UGP2: variants seen among roughly 807,000 people sequenced by gnomAD.
The protein encoded by UGP2 is UDP-glucose pyrophosphorylase 2.
A neutral mutation model predicts 49.0 loss-of-function variants in UGP2; 40 were observed. The ratio of observed to expected loss-of-function variants is 0.82; its 90% CI spans 0.63 to 1.06. The LOEUF (loss-of-function observed/expected upper bound fraction) is 1.06. Ranked by LOEUF, UGP2 falls within the 50% of genes least tolerant of loss-of-function variation. The probability of loss-of-function intolerance (pLI) is 0.00; values close to 1 mark genes in which losing one functional copy is unlikely to be tolerated. For missense variants in UGP2, 460 were observed against 603.5 expected (o/e 0.76, Z 2.49); for synonymous variants, 225 against 213.0 (o/e 1.06, Z -0.49).
At chr2:63,872,595 T>C (rs72808231) in intron 3 of UGP2, among the ~76,000 whole-genome samples, 27,037 of 152,172 alleles carry the variant, frequency 0.18, 3,159 homozygotes, top group Non-Finnish European at 0.24. Context: ...CTGTGTTCTC[T>C]CTCACTTACT....
intron 1 of UGP2, among the ~76,000 whole-genome samples, chr2:63,854,637 C>T (rs1303465652): frequency 1.3e-5 from 2 of 152,162 alleles, no homozygotes; most frequent in East Asian, 3.8e-4. Flanking sequence ...ATTCTTTATT[C>T]TTGAATATTT....
chr2:63,877,368 G>T (rs796989812), intron 3 of UGP2, among the ~76,000 whole-genome samples: 31 of 152,338 alleles, frequency 2.0e-4, no homozygotes, highest in African/African-American at 7.5e-4. Context: ...AGTATCCTGA[G>T]CTTGTAAATT....
At chr2:63,887,225 A>G (rs1671743191) in intron 7 of UGP2, among the ~76,000 whole-genome samples, 177 bp from the exon 8 acceptor site, 1 of 151,774 alleles carries the variant, frequency 6.6e-6, no homozygotes, top group African/African-American at 2.4e-5. Flanking sequence ...AGATTGCGCC[A>G]CTGCACTCCA....
Position 63,885,895 on chromosome 2 carries a change from C to A in UGP2, c.873+9C>A. Reference sequence around the variant, plus strand: ...CACGTGCAGATGTAAAGGTAAATACCGAGAGGAAGCAGTTTAGGGCTTCAT... The same window carrying A: ...CACGTGCAGATGTAAAGGTAAATACAGAGAGGAAGCAGTTTAGGGCTTCAT... On this transcript the variant is annotated intron_variant, in intron 6 of 9. Coordinates refer to ENST00000337130, the MANE Select transcript of UGP2 (RefSeq NM_006759.4). The A allele has an allele frequency of 1.3e-6, 2 of 1,542,524 alleles. No homozygotes were observed. The highest frequency in any genetic ancestry group is 1.7e-6 in the Non-Finnish European group (2 of 1,148,824).
chr2:63,878,720 T>C (rs1367790278), intron 3 of UGP2, among the ~76,000 whole-genome samples: 1 of 152,150 alleles, frequency 6.6e-6, no homozygotes, highest in Admixed American at 6.5e-5. Context: ...TGCACCACCA[T>C]GCTCAGGTAA....
chr2:63,851,787 A>G (rs994349916), intron 1 of UGP2, among the ~76,000 whole-genome samples: 5 of 152,136 alleles, frequency 3.3e-5, no homozygotes, highest in African/African-American at 7.2e-5. Flanking sequence ...TAAATCCTGA[A>G]GTAGGATATG....
intron 3 of UGP2, among the ~76,000 whole-genome samples, chr2:63,867,374 C>T (rs981047349): frequency 3.9e-5 from 6 of 152,102 alleles, no homozygotes; most frequent in Admixed American, 1.3e-4. Context: ...CTTTAAGTGT[C>T]GGTTTCCTTA....
chr2:63,890,844 A>G (rs1463928952), intron 9 of UGP2, among the ~76,000 whole-genome samples: 1 of 147,606 alleles, frequency 6.8e-6, no homozygotes, highest in Non-Finnish European at 1.5e-5. Context: ...TAGGCCTCCA[A>G]AAGGGGCTGG....
At chr2:63,841,664 G>GCCCGCCTCC (rs1047496831), upstream of UGP2, 1 of 152,814 alleles carries the variant, frequency 6.5e-6, no homozygotes, top group African/African-American at 2.4e-5. Context: ...GGCCGGCCTC[G>GCCCGCCTCC]CCCGCCTCCC....
In UGP2 at chr2:63,891,348, A is replaced by AAAT. The variant is rs1413466990; in HGVS notation, c.*123_*125dup. ...CTGTACCCTGCAGTGTTGATTTTTA[A>AAAT]AATAGAGTTTTCTGCAGTATGCTTT... On this transcript the variant is annotated 3_prime_UTR_variant, in exon 10 of 10. Transcript: ENST00000337130. The AAAT allele has an allele frequency of 2.9e-6, 2 of 698,370 alleles. No homozygotes were observed. Among genetic ancestry groups the AAAT allele is most frequent in the Admixed American group, 7.1e-5 (2 of 28,168 alleles). The allele number at this position is 698,370 out of a possible 1,614,324, so 43.3% of individuals were successfully genotyped here.
intron 1 of UGP2, among the ~76,000 whole-genome samples, chr2:63,849,754 C>T (rs961913644): frequency 2.6e-5 from 4 of 152,100 alleles, no homozygotes; most frequent in Non-Finnish European, 4.4e-5. Flanking sequence ...AGAAACAGGG[C>T]GCCAGGCAAC....
chr2:63,876,387 G>A (rs4536638), intron 3 of UGP2, among the ~76,000 whole-genome samples: 1,617 of 152,244 alleles, frequency 0.011, 9 homozygotes, highest in Non-Finnish European at 0.018. Context: ...GGTGGTAGGG[G>A]CTGGGTATGT....
chr2:63,861,957 A>C (rs1669880617), intron 3 of UGP2, among the ~76,000 whole-genome samples: 1 of 152,170 alleles, frequency 6.6e-6, no homozygotes, highest in South Asian at 2.1e-4. Flanking sequence ...AGGAAGTTAC[A>C]GTTTATGTGT....
intron 3 of UGP2, among the ~76,000 whole-genome samples, chr2:63,881,768 G>C (rs917033889): frequency 2.0e-5 from 3 of 152,190 alleles, no homozygotes; most frequent in Admixed American, 1.3e-4. Flanking sequence ...ATTTTCTTCA[G>C]CCCCACCTCT....
At chr2:63,853,713 A>G (rs939010995) in intron 1 of UGP2, among the ~76,000 whole-genome samples, 10 of 152,192 alleles carry the variant, frequency 6.6e-5, no homozygotes, top group African/African-American at 2.4e-4. Flanking sequence ...GCTGAAATAC[A>G]TGAAATGAGA....
Position 63,891,312 on chromosome 2 carries a change from T to G in UGP2, c.*85T>G. The G allele has an allele frequency of 9.0e-7, 1 of 1,116,222 alleles. No homozygotes were observed. The highest frequency in any genetic ancestry group is 1.3e-6 in the Non-Finnish European group (1 of 753,748). The allele number at this position is 1,116,222 out of a possible 1,614,324, so 69.1% of individuals were successfully genotyped here. The stretch of plus-strand genomic sequence containing the variant: ...TAGGATTCTAAAATAGGCAGGTACT[T>G]TACTATGTTACTGTACCCTGCAGTG... On this transcript the variant is annotated 3_prime_UTR_variant, in exon 10 of 10. Coordinates refer to ENST00000337130, the MANE Select transcript of UGP2 (RefSeq NM_006759.4).
chr2:63,842,598 G>A (rs6546029), intron 1 of UGP2: 1,193,617 of 1,461,560 alleles, frequency 0.82, 488,304 homozygotes, highest in East Asian at 0.93. Context: ...GAGAAAAGCC[G>A]GGTGGGTTTT....
At chr2:63,883,817 C>T in intron 4 of UGP2, 143 bp from the exon 5 acceptor site, 1 of 956,072 alleles carries the variant, frequency 1.0e-6, no homozygotes, top group South Asian at 1.8e-5. Flanking sequence ...TCGTGCTGAG[C>T]AGTTTTTTGT....
intron 1 of UGP2, chr2:63,855,605 G>T (rs1313088568): frequency 5.1e-6 from 2 of 389,582 alleles, no homozygotes; most frequent in East Asian, 1.7e-4. Flanking sequence ...GCGGTGGCGC[G>T]ATCTCGCCTC....
Sources: gnomAD v4.1 joint callset for allele counts (sites outside exome capture counted in the v4.1 genomes callset) on GRCh38, gnomAD v4.1.1 for gene constraint, MANE v1.5 for transcripts, NCBI Gene and HGNC (gene_info 2026-07-23, HGNC 2026-07-21) for gene names.